LDB2: variants seen among roughly 807,000 people sequenced by gnomAD.
The protein encoded by LDB2 is LIM domain-binding protein 2.
In LDB2, 12 loss-of-function variants were observed where a neutral mutation model predicts 44.3. The ratio of observed to expected loss-of-function variants is 0.27; its 90% CI spans 0.17 to 0.44. LDB2 has a LOEUF of 0.44. Among genes scored for constraint, LDB2 ranks in the 20% least tolerant of loss-of-function variants. The pLI is 1.00. For synonymous variants in LDB2, 164 were observed against 174.8 expected (o/e 0.94, Z 0.49); for missense variants, 344 against 473.5 (o/e 0.73, Z 2.54).
intron 1 of LDB2, among the ~76,000 whole-genome samples, chr4:16,850,884 A>C (rs1580220223): frequency 6.6e-6 from 1 of 152,124 alleles, no homozygotes; most frequent in East Asian, 1.9e-4. Context: ...TGAAACTCTG[A>C]AATGAGTTCA....
intron 2 of LDB2, among the ~76,000 whole-genome samples, chr4:16,739,281 A>G (rs1762472879): frequency 1.3e-5 from 2 of 151,854 alleles, no homozygotes; most frequent in Admixed American, 1.3e-4. Flanking sequence ...TTAAGTCATT[A>G]CGATTTCAAA....
rs1395449099 is a variant in LDB2, at chr4:16,838,070, G to T, written c.132+60284C>A. ...AATAAGGCTTTTGGCAGTCGTGAAAGCTTGACTTGATTTGCATTTAAAGAA... is the reference window on the plus strand; with the variant it reads ...AATAAGGCTTTTGGCAGTCGTGAAATCTTGACTTGATTTGCATTTAAAGAA... On this transcript the variant is annotated intron_variant, in intron 1 of 7. Coordinates refer to ENST00000304523, the MANE Select transcript of LDB2 (RefSeq NM_001290.5). 3.9e-5 allele frequency among the ~76,000 whole-genome samples: 6 copies of T among 152,306 alleles called. No individual in the cohort carries two copies. The South Asian group carries it at 1.0e-3, about 26-fold the overall frequency.
chr4:16,714,487 A>G (rs917406211), intron 2 of LDB2, among the ~76,000 whole-genome samples: 2 of 151,990 alleles, frequency 1.3e-5, no homozygotes, highest in African/African-American at 4.8e-5. Flanking sequence ...GGCAAGCTCT[A>G]TCACCCCTCT....
chr4:16,535,747 C>T (rs947372671), intron 5 of LDB2, among the ~76,000 whole-genome samples: 7 of 152,046 alleles, frequency 4.6e-5, no homozygotes, highest in Non-Finnish European at 8.8e-5. Context: ...TATGCTAAGC[C>T]CTATACTGGG....
intron 1 of LDB2, among the ~76,000 whole-genome samples, chr4:16,880,887 C>G (rs887296339): frequency 7.5e-6 from 1 of 132,620 alleles, no homozygotes; most frequent in African/African-American, 3.0e-5. Flanking sequence ...GTGGGTGAGA[C>G]AGCAAGACTC....
chr4:16,557,440 C>T (rs932956822), intron 5 of LDB2, among the ~76,000 whole-genome samples: 6 of 152,176 alleles, frequency 3.9e-5, no homozygotes, highest in East Asian at 3.9e-4. Context: ...CCTACGCCCA[C>T]GGAATCTCGC....
intron 2 of LDB2, among the ~76,000 whole-genome samples, chr4:16,749,994 A>AT (rs1476469682): frequency 6.6e-6 from 1 of 151,954 alleles, no homozygotes; most frequent in Non-Finnish European, 1.5e-5. Flanking sequence ...TACTTTTTAT[A>AT]TTTTTTAATT....
intron 5 of LDB2, among the ~76,000 whole-genome samples, chr4:16,547,956 T>G (rs559123431): frequency 0.025 from 3,578 of 142,514 alleles, 98 homozygotes; most frequent in African/African-American, 0.063. Flanking sequence ...TTTTTTTTTG[T>G]TTGTTTTTTG....
At chr4:16,638,487 C>T (rs117206987) in intron 2 of LDB2, among the ~76,000 whole-genome samples, 1,970 of 152,230 alleles carry the variant, frequency 0.013, 25 homozygotes, top group South Asian at 0.04. Flanking sequence ...GAGCAGGGAA[C>T]CTCTGGGAAA....
intron 2 of LDB2, among the ~76,000 whole-genome samples, chr4:16,710,387 T>G (rs2152658192): frequency 6.6e-6 from 1 of 152,226 alleles, no homozygotes; most frequent in East Asian, 1.9e-4. Flanking sequence ...ACGTGGAGTG[T>G]TTTCATTCAG....
intron 1 of LDB2, among the ~76,000 whole-genome samples, chr4:16,779,729 C>T (rs1480824786): frequency 6.6e-6 from 1 of 152,204 alleles, no homozygotes; most frequent in Admixed American, 6.5e-5. Flanking sequence ...TTTTCCCCTT[C>T]CCCATGGTCA....
intron 5 of LDB2, among the ~76,000 whole-genome samples, chr4:16,535,699 A>G (rs1486774239): frequency 6.6e-6 from 1 of 152,240 alleles, no homozygotes; most frequent in Non-Finnish European, 1.5e-5. Context: ...GGACAATAAT[A>G]GTAAACAATA....
At chr4:16,838,561 TG>T (rs1277625326) in intron 1 of LDB2, among the ~76,000 whole-genome samples, 3 of 152,166 alleles carry the variant, frequency 2.0e-5, no homozygotes, top group African/African-American at 7.2e-5. Flanking sequence ...GATGTTAGCA[TG>T]CTTCTTCTTG....
At chr4:16,765,365 T>C (rs1488525666) in intron 1 of LDB2, among the ~76,000 whole-genome samples, 1 of 152,240 alleles carries the variant, frequency 6.6e-6, no homozygotes, top group Non-Finnish European at 1.5e-5. Flanking sequence ...TGCCTTTGCA[T>C]ATGTCATTCT....
intron 1 of LDB2, among the ~76,000 whole-genome samples, chr4:16,879,054 A>T (rs1296788315): frequency 1.3e-5 from 2 of 152,228 alleles, no homozygotes; most frequent in Non-Finnish European, 2.9e-5. Flanking sequence ...ACTTGATTGT[A>T]AATTTCCTGC....
chr4:16,750,430 T>C (rs923668501), intron 2 of LDB2, among the ~76,000 whole-genome samples: 22 of 152,234 alleles, frequency 1.4e-4, no homozygotes. Flanking sequence ...ACTTTGGACT[T>C]AAATTCAGGC....
intron 2 of LDB2, among the ~76,000 whole-genome samples, chr4:16,604,529 T>TTATA (rs149252192): frequency 1.3e-5 from 2 of 148,506 alleles, no homozygotes; most frequent in African/African-American, 4.9e-5. Context: ...ATATATATAT[T>TTATA]TATATATATA....
intron 5 of LDB2, among the ~76,000 whole-genome samples, chr4:16,567,699 G>A (rs980797865): frequency 2.0e-4 from 31 of 152,184 alleles, no homozygotes; most frequent in African/African-American, 7.5e-4. Context: ...GAACCCGGGA[G>A]GCGAAGCTTG....
chr4:16,897,925 T>TACACAC lies in LDB2; in HGVS notation c.132+428_132+429insGTGTGT, dbSNP rs1191869723. Among the ~76,000 whole-genome samples, 35 of 16,924 alleles carry TACACAC rather than the reference T, an allele frequency of 2.1e-3. 1 individual carries two copies. Among genetic ancestry groups the TACACAC allele is most frequent in the Non-Finnish European group, 2.8e-3 (30 of 10,668 alleles). 11.1% of individuals were successfully genotyped at this position (16,924 alleles called of 152,430 possible). ...ATATATATATATATATATATATATA[T>TACACAC]ATATATATATATACACATATGTATA... is the stretch of plus-strand genomic sequence containing the variant. On this transcript the variant is annotated intron_variant, in intron 1 of 7. Transcript: ENST00000304523.
Sources: allele counts gnomAD v4.1 joint callset (sites outside exome capture counted in the v4.1 genomes callset), GRCh38; gene constraint gnomAD v4.1.1; transcripts MANE v1.5; gene names NCBI Gene and HGNC (gene_info 2026-07-23, HGNC 2026-07-21).